The following PKIA variants were observed in gnomAD, a reference collection of about 807,000 sequenced individuals.
PKIA encodes PKI-alpha.
Under a neutral mutation model 7.6 loss-of-function variants are expected in PKIA, and 4 were observed. The ratio of observed to expected loss-of-function variants is 0.52; its 90% CI spans 0.26 to 1.20. The LOEUF (loss-of-function observed/expected upper bound fraction) is 1.20. Ranked by LOEUF, PKIA falls within the 50% of genes most tolerant of loss-of-function variation. PKIA has a pLI of 0.13. For synonymous variants in PKIA, 21 were observed against 30.7 expected, an observed-to-expected ratio of 0.68 and a Z score of 1.04; for missense variants, 73 against 86.2, an observed-to-expected ratio of 0.85 and a Z score of 0.61.
At chr8:78,524,337 A>G (rs1809502032) in intron 1 of PKIA, among the ~76,000 whole-genome samples, 1 of 150,686 alleles carries the variant, frequency 6.6e-6, no homozygotes, top group Admixed American at 6.7e-5. Context: ...CTATTTTACC[A>G]CTTTTTTAAA....
At chr8:78,518,092 T>G (rs996481802) in intron 1 of PKIA, among the ~76,000 whole-genome samples, 7 of 152,260 alleles carry the variant, frequency 4.6e-5, no homozygotes, top group African/African-American at 1.7e-4. Context: ...TATATCATTA[T>G]TGCCTTTCTA....
intron 1 of PKIA, among the ~76,000 whole-genome samples, chr8:78,562,221 C>G (rs1393302213): frequency 6.6e-6 from 1 of 152,080 alleles, no homozygotes; most frequent in East Asian, 1.9e-4. Context: ...GGTCACCAAG[C>G]TTATATTAAT....
At chr8:78,588,062 A>G (rs1022951149) in intron 2 of PKIA, among the ~76,000 whole-genome samples, 2 of 152,084 alleles carry the variant, frequency 1.3e-5, no homozygotes, top group Non-Finnish European at 2.9e-5. Context: ...CCAGAAATAT[A>G]ATATAAAGAG....
intron 1 of PKIA, among the ~76,000 whole-genome samples, chr8:78,566,059 A>G (rs1198432932): frequency 6.6e-6 from 1 of 152,046 alleles, no homozygotes; most frequent in Non-Finnish European, 1.5e-5. Flanking sequence ...AAAACTGTCC[A>G]TGGAAAAAAA....
At chr8:78,519,488 A>T (rs1809376393) in intron 1 of PKIA, among the ~76,000 whole-genome samples, 1 of 152,148 alleles carries the variant, frequency 6.6e-6, no homozygotes, top group African/African-American at 2.4e-5. Flanking sequence ...TGAAATGGAA[A>T]AGGAAAAAGA....
intron 2 of PKIA, among the ~76,000 whole-genome samples, chr8:78,579,599 T>G (rs1336353085): frequency 6.6e-6 from 1 of 152,050 alleles, no homozygotes; most frequent in Admixed American, 6.6e-5. Context: ...TGAGAGACAT[T>G]TTGCGAAAGA....
chr8:78,589,507 A>G (rs75488794), intron 2 of PKIA, among the ~76,000 whole-genome samples: 6,930 of 152,268 alleles, frequency 0.046, 246 homozygotes, highest in Middle Eastern at 0.065. Context: ...AGTCTGATCT[A>G]AAGAAAGTTC....
intron 1 of PKIA, among the ~76,000 whole-genome samples, chr8:78,516,920 T>G (rs571090727): frequency 6.6e-6 from 1 of 152,146 alleles, no homozygotes; most frequent in African/African-American, 2.4e-5. Flanking sequence ...AATGGGTCTG[T>G]GCCCCTCTCA....
At chr8:78,553,276 C>G (rs1050241751) in intron 1 of PKIA, among the ~76,000 whole-genome samples, 18 of 151,898 alleles carry the variant, frequency 1.2e-4, no homozygotes, top group Non-Finnish European at 2.7e-4. Context: ...AAAGTTCAGT[C>G]AGGGAATAAA....
At chr8:78,523,998 ATT>A (rs1371954626) in intron 1 of PKIA, among the ~76,000 whole-genome samples, 2 of 107,320 alleles carry the variant, frequency 1.9e-5, no homozygotes, top group Non-Finnish European at 3.5e-5. Context: ...ATATATAAAC[ATT>A]TATATATAAA....
At chr8:78,528,436 C>T (rs1806304436) in intron 1 of PKIA, among the ~76,000 whole-genome samples, 1 of 151,964 alleles carries the variant, frequency 6.6e-6, no homozygotes, top group Admixed American at 6.6e-5. Flanking sequence ...TTCAAAAATG[C>T]TTAAAGGCCA....
At chr8:78,577,199 G>C (rs1807695129) in intron 2 of PKIA, among the ~76,000 whole-genome samples, 1 of 151,880 alleles carries the variant, frequency 6.6e-6, no homozygotes, top group Non-Finnish European at 1.5e-5. Context: ...TTGGTGTGCT[G>C]CACCCATTAA....
intron 1 of PKIA, among the ~76,000 whole-genome samples, chr8:78,527,490 T>C (rs73241237): frequency 0.033 from 5,093 of 152,152 alleles, 96 homozygotes; most frequent in African/African-American, 0.041. Flanking sequence ...TGGAAAAGCA[T>C]GTGAAAAATC....
Position 78,604,692 on chromosome 8 carries a change from T to A in PKIA, c.*2871T>A, listed in dbSNP as rs1808434545. ...AACACAGCATGATTCATATTTTTTA[T>A]GTTTCATGCTACTCATTTTGTTTAA... On this transcript the variant is annotated 3_prime_UTR_variant, in exon 4 of 4. Transcript: ENST00000396418. The A allele has an allele frequency of 6.6e-6, 1 of 152,168 alleles. No individual in the cohort carries two copies. Among genetic ancestry groups the A allele is most frequent in the African/African-American group, 2.4e-5 (1 of 41,556 alleles). The allele number at this position is 152,168 out of a possible 1,614,324, so 9.4% of individuals were successfully genotyped here.
At chr8:78,559,370 G>T (rs1204001186) in intron 1 of PKIA, among the ~76,000 whole-genome samples, 2 of 152,170 alleles carry the variant, frequency 1.3e-5, no homozygotes, top group Non-Finnish European at 2.9e-5. Flanking sequence ...GGAGAGAAGG[G>T]ATGGGCAGTG....
At chr8:78,548,710 A>G (rs1309762083) in intron 1 of PKIA, among the ~76,000 whole-genome samples, 2 of 152,026 alleles carry the variant, frequency 1.3e-5, no homozygotes, top group Admixed American at 6.6e-5. Flanking sequence ...AATATATGCA[A>G]CTCCCTCCTT....
chr8:78,550,430 TA>T (rs1013119718), intron 1 of PKIA, among the ~76,000 whole-genome samples: 2 of 152,106 alleles, frequency 1.3e-5, no homozygotes, highest in Non-Finnish European at 2.9e-5. Flanking sequence ...CCAAGTTTTC[TA>T]AAGTAAGTGA....
At chr8:78,547,521 G>A (rs1268326001) in intron 1 of PKIA, among the ~76,000 whole-genome samples, 2 of 152,096 alleles carry the variant, frequency 1.3e-5, no homozygotes, top group Admixed American at 1.3e-4. Context: ...AACCACTTAT[G>A]TTACAAATGA....
rs182413066 is a variant in PKIA at position 78,536,724 on chromosome 8, A to G, written c.-157+20256A>G. Reference sequence around the variant, plus strand: ...TATATAAGAGTTTCTTTGACCCCGAATAGTCCATGTATTTACCCAGAAATA... The same window carrying G: ...TATATAAGAGTTTCTTTGACCCCGAGTAGTCCATGTATTTACCCAGAAATA... On this transcript the variant is annotated intron_variant, in intron 1 of 3. Transcript: ENST00000396418. Among the ~76,000 whole-genome samples, 12 of 152,208 alleles carry G rather than the reference A, an allele frequency of 7.9e-5. No individual in the cohort carries two copies. The East Asian group carries it at 2.3e-3, about 29-fold the overall frequency.
Sources: gnomAD v4.1 joint callset for allele counts (sites outside exome capture counted in the v4.1 genomes callset) on GRCh38, gnomAD v4.1.1 for gene constraint, MANE v1.5 for transcripts, NCBI Gene and HGNC (gene_info 2026-07-23, HGNC 2026-07-21) for gene names.